Variants in CARMIL2 observed in about 807,000 individuals in gnomAD.
The protein encoded by CARMIL2 is capping protein regulator and myosin 1 linker 2.
A neutral mutation model predicts 173.3 loss-of-function variants in CARMIL2; 96 were observed. The observed-to-expected ratio is 0.55, with a 90% CI of 0.47 to 0.66. The LOEUF (loss-of-function observed/expected upper bound fraction) is 0.66, where lower values mean the gene tolerates loss of function less well. CARMIL2 is among the 30% of genes least tolerant of loss of function. The pLI, the probability that CARMIL2 is intolerant of heterozygous loss-of-function variation, is 0.00. For synonymous variants in CARMIL2, 830 were observed against 817.1 expected (o/e 1.02, Z -0.27); for missense variants, 1,771 against 1,906.7 (o/e 0.93, Z 1.33).
At chr16:67,656,364 G>C (rs1597762468) in intron 34 of CARMIL2, 60 bp from the exon 35 acceptor site, 3 of 1,608,856 alleles carry the variant, frequency 1.9e-6, no homozygotes, top group Non-Finnish European at 2.6e-6. Context: ...GGGTCAGACT[G>C]TTGTTCAGAC....
At position 67,645,540 on chromosome 16, in the gene CARMIL2, G is replaced by C; in HGVS notation, c.41G>C (p.Gly14Ala). The change falls in exon 2 of 38, where the codon GGC (glycine) becomes GCC (alanine). Residue 14 changes from glycine to alanine, a missense_variant and splice_region_variant. Physicochemically the swap from Gly to Ala is moderately conservative, Grantham distance 60. This residue lies in a region of CARMIL2 where 944 missense variants were observed against 975.6 expected (regional missense o/e 0.97). Transcript: ENST00000334583. ...CACCCAGCAGGCTGCCCTTCCACAG[G>C]CGAGATCACCAGGTTCCTGTGGCCC... ...TPDGISCELR[G>A]EITRFLWPKE... 1 of 1,598,142 alleles carries C rather than the reference G, an allele frequency of 6.3e-7. No homozygotes were observed. Among genetic ancestry groups the C allele is most frequent in the East Asian group, 2.3e-5 (1 of 44,074 alleles).
Position 67,654,917 on chromosome 16 carries a change from T to A in CARMIL2, c.3705+17T>A. ...AGGAAGCAAGTGAGTTGAGGGGACC[T>A]GAGCATGAAGTGAGAGGGCAGATGG... is the stretch of plus-strand genomic sequence containing the variant. On this transcript the variant is annotated intron_variant, in intron 32 of 37. Coordinates refer to ENST00000334583, the MANE Select transcript of CARMIL2 (RefSeq NM_001013838.3). 1 of 1,613,022 alleles carries A rather than the reference T, an allele frequency of 6.2e-7. No homozygotes were observed. Among genetic ancestry groups the A allele is most frequent in the Non-Finnish European group, 8.5e-7 (1 of 1,179,644 alleles).
chr16:67,647,020 T>C lies in CARMIL2; in HGVS notation c.611+47T>C, dbSNP rs771256752. 4 of 1,598,130 alleles carry C rather than the reference T, an allele frequency of 2.5e-6. No homozygotes were observed. The South Asian group carries it at 3.3e-5, about 13-fold the overall frequency. ...GAGAGGAGGAAGATCCCGGGGCCCA[T>C]ATCCCTGGGCCTCAGTTTCTCCATG... is the stretch of plus-strand genomic sequence containing the variant. On this transcript the variant is annotated intron_variant, in intron 8 of 37. Coordinates refer to ENST00000334583, the MANE Select transcript of CARMIL2 (RefSeq NM_001013838.3).
At chr16:67,655,955 T>C (rs1024804568) in intron 32 of CARMIL2, 76 bp from the exon 33 acceptor site, 1 of 1,526,228 alleles carries the variant, frequency 6.6e-7, no homozygotes, top group East Asian at 2.5e-5. Context: ...GGCAGGATTA[T>C]AAGAACAAGA....
chr16:67,656,693 A>G (rs769797240), intron 35 of CARMIL2, 48 bp downstream of exon 35: 1 of 1,571,436 alleles, frequency 6.4e-7, no homozygotes, highest in South Asian at 1.1e-5. Context: ...TCGGGGCTGG[A>G]GGAGTTCCTG....
chr16:67,651,405 T>TC lies in CARMIL2; in HGVS notation c.2322dup (p.Ile775HisfsTer4). The TC allele has an allele frequency of 6.3e-7, 1 of 1,590,830 alleles. No homozygotes were observed. Among genetic ancestry groups the TC allele is most frequent in the Non-Finnish European group, 8.6e-7 (1 of 1,165,904 alleles). ...CTTTTCCTCTTTGGCCCTCAGATTC[T>TC]CCCCATTCTATATGAAGCTGGAAGC... On this transcript the variant is annotated frameshift_variant, in exon 24 of 38. Coordinates refer to ENST00000334583, the MANE Select transcript of CARMIL2 (RefSeq NM_001013838.3). LOFTEE classifies it high-confidence loss of function. The surrounding 1 kb of genome is among the most constrained non-coding windows in gnomAD (Gnocchi z 4.2).
intron 35 of CARMIL2, 76 bp from the exon 36 acceptor site, chr16:67,656,725 G>T (rs1310455605): frequency 1.9e-6 from 3 of 1,563,794 alleles, no homozygotes; most frequent in Non-Finnish European, 2.6e-6. Flanking sequence ...GCTCCTCTAA[G>T]GACCCTGAGG....
In CARMIL2 at chr16:67,657,342, G is replaced by C; in HGVS notation, c.4195+26G>C. On this transcript the variant is annotated intron_variant, in intron 37 of 37. Transcript: ENST00000334583. This position sits in a 1 kb window ranked among gnomAD's most constrained non-coding sequence, Gnocchi z 4.5. The stretch of plus-strand genomic sequence containing the variant: ...GTAAGAGGGGGTCCAGGCCAGCTGG[G>C]AGGGTGGCAGGACTGCTTAGCCCAG... 6.2e-7 allele frequency: 1 copy of C among 1,612,468 alleles called. No homozygotes were observed. The highest frequency in any genetic ancestry group is 1.1e-5 in the South Asian group (1 of 90,860).
Position 67,649,535 on chromosome 16 carries a change from C to T in CARMIL2, c.1835C>T (p.Thr612Ile), listed in dbSNP as rs1359812057. Residue 612 changes from threonine to isoleucine, a missense_variant, in exon 20 of 38, where the codon ACC (threonine) becomes ATC (isoleucine). By Grantham distance (89) the Thr-to-Ile change is moderately conservative (BLOSUM62 -1). This residue lies in a region of CARMIL2 where 944 missense variants were observed against 975.6 expected (regional missense o/e 0.97). Coordinates refer to ENST00000334583, the MANE Select transcript of CARMIL2 (RefSeq NM_001013838.3). This position sits in a 1 kb window ranked among gnomAD's most constrained non-coding sequence, Gnocchi z 6.7. Reference protein sequence around the residue: ...LRALATNPNLTALDISGNAMG... With the variant: ...LRALATNPNLIALDISGNAMG... ...GCCCTAGCCACCAATCCTAACCTGA[C>T]CGCGCTGGATATCAGCGGCAACGCC... The T allele has an allele frequency of 6.2e-7, 1 of 1,606,548 alleles. No homozygotes were observed. The highest frequency in any genetic ancestry group is 8.5e-7 in the Non-Finnish European group (1 of 1,179,854).
At position 67,656,020 on chromosome 16, in the gene CARMIL2, G is replaced by T. The variant is rs1234440543; in HGVS notation, c.3706-11G>T. 1.3e-6 allele frequency: 2 copies of T among 1,587,594 alleles called. No homozygotes were observed. Among genetic ancestry groups the T allele is most frequent in the South Asian group, 2.3e-5 (2 of 87,286 alleles). On this transcript the variant is annotated splice_polypyrimidine_tract_variant and intron_variant, in intron 32 of 37. Transcript: ENST00000334583. ...GGCAGGGCTGGAATCTGATTGCCCT[G>T]TTTCCTGCAGAGCAAAGATGGCGAG...
rs933910487 is a variant in CARMIL2 at position 67,650,789 on chromosome 16, G to A, written c.2185-398G>A. The stretch of plus-strand genomic sequence containing the variant: ...ACTGGAGCCCTCATAGGCCTCCTTC[G>A]TCCTGCCTCTAGACCAACCTTCATA... On this transcript the variant is annotated intron_variant, in intron 22 of 37. Coordinates refer to ENST00000334583, the MANE Select transcript of CARMIL2 (RefSeq NM_001013838.3). The A allele has an allele frequency of 9.5e-5, 18 of 188,824 alleles. No homozygotes were observed. The South Asian group carries it at 1.3e-3, about 14-fold the overall frequency. 11.7% of individuals were successfully genotyped at this position (188,824 alleles called of 1,614,324 possible).
At position 67,652,958 on chromosome 16, in the gene CARMIL2, C is replaced by A; in HGVS notation, c.2885-61C>A. On this transcript the variant is annotated intron_variant, in intron 28 of 37. Transcript: ENST00000334583. This position sits in a 1 kb window ranked among gnomAD's most constrained non-coding sequence, Gnocchi z 4.7. The stretch of plus-strand genomic sequence containing the variant: ...CTGGGCGGGTCCCCCGCCGCCCTAG[C>A]GCCTCCGCCGCCACCTCCCCGGGCT... The A allele has an allele frequency of 2.2e-6, 2 of 903,492 alleles. No individual in the cohort carries two copies. The highest frequency in any genetic ancestry group is 4.3e-5 in the Admixed American group (1 of 23,254). 56.0% of individuals were successfully genotyped at this position (903,492 alleles called of 1,614,324 possible). A position where few individuals can be genotyped will look rare whatever the true frequency, so the allele number is the denominator to read the frequency against.
chr16:67,651,779 C>T lies in CARMIL2; in HGVS notation c.2522C>T (p.Ala841Val). Residue 841 changes from alanine (A) to valine (V), a missense_variant, in exon 25 of 38, where the codon GCA becomes GTA. Physicochemically the swap from Ala to Val is moderately conservative, Grantham distance 64. This residue lies in a region of CARMIL2 where 817 missense variants were observed against 903.5 expected (regional missense o/e 0.90). Coordinates refer to ENST00000334583, the MANE Select transcript of CARMIL2 (RefSeq NM_001013838.3). This position sits in a 1 kb window ranked among gnomAD's most constrained non-coding sequence, Gnocchi z 4.2. ...AGGGAGCAGCTAGAGGGGGTCCTGGCAGGCTCGAGGGGCCTCCCGGAGCTG... is the reference window on the plus strand; with the variant it reads ...AGGGAGCAGCTAGAGGGGGTCCTGGTAGGCTCGAGGGGCCTCCCGGAGCTG... ...SWREQLEGVL[A>V]GSRGLPELLP... 1 of 1,607,188 alleles carries T rather than the reference C, an allele frequency of 6.2e-7. No individual in the cohort carries two copies. The highest frequency in any genetic ancestry group is 8.5e-7 in the Non-Finnish European group (1 of 1,177,472).
chr16:67,648,805 G>C lies in CARMIL2; in HGVS notation c.1509+51G>C. ...CACACATTGGGAGAGGCGCTGGGAG[G>C]CGGAAGGGCAGGGCCGTGGGCCGCC... On this transcript the variant is annotated intron_variant, in intron 16 of 37. Coordinates refer to ENST00000334583, the MANE Select transcript of CARMIL2 (RefSeq NM_001013838.3). This position sits in a 1 kb window ranked among gnomAD's most constrained non-coding sequence, Gnocchi z 6.1. 1 of 1,568,836 alleles carries C rather than the reference G, an allele frequency of 6.4e-7. No homozygotes were observed. The highest frequency in any genetic ancestry group is 2.4e-5 in the East Asian group (1 of 41,956).
In CARMIL2 at chr16:67,657,086, T is replaced by A. The variant is rs1482305824; in HGVS notation, c.4118-153T>A. Reference sequence around the variant, plus strand: ...GCTCCACTTCCCGAAGAGCAGCCTCTGCCAGGGGTGAGGACGCAGGGACGG... The same window carrying A: ...GCTCCACTTCCCGAAGAGCAGCCTCAGCCAGGGGTGAGGACGCAGGGACGG... On this transcript the variant is annotated intron_variant, in intron 36 of 37. Coordinates refer to ENST00000334583, the MANE Select transcript of CARMIL2 (RefSeq NM_001013838.3). This position sits in a 1 kb window ranked among gnomAD's most constrained non-coding sequence, Gnocchi z 4.5. 1 of 804,908 alleles carries A rather than the reference T, an allele frequency of 1.2e-6. No homozygotes were observed. The highest frequency in any genetic ancestry group is 2.7e-5 in the East Asian group (1 of 37,106). 49.9% of individuals were successfully genotyped at this position (804,908 alleles called of 1,614,324 possible).
rs1428212471 is a variant in CARMIL2, at chr16:67,647,497, C to T, written c.777-11C>T. The T allele has an allele frequency of 6.3e-7, 1 of 1,593,662 alleles. No homozygotes were observed. Among genetic ancestry groups the T allele is most frequent in the Non-Finnish European group, 8.5e-7 (1 of 1,170,446 alleles). On this transcript the variant is annotated splice_polypyrimidine_tract_variant and intron_variant, in intron 10 of 37. Transcript: ENST00000334583. ...AGGGGCAGAATCTCATGCCTGGGGT[C>T]TGGTCCCCAGAGACTTTGTCCGACG...
chr16:67,654,486 C>T lies in CARMIL2; in HGVS notation c.3376C>T (p.Arg1126Ter). ...AGAGACCAGCCCTGGGGCAGCTCCC[C>T]GAACCCGAAAAACTACATTTGGCGA... ...DLETSPGAAP[R>*]TRKTTFGDLL... Residue 1126 changes from arginine to a stop codon, truncating the protein, a stop_gained, in exon 31 of 38, where the codon CGA becomes TGA. Transcript: ENST00000334583. LOFTEE classifies it high-confidence loss of function. The T allele has an allele frequency of 2.5e-6, 4 of 1,612,754 alleles. No homozygotes were observed. Among genetic ancestry groups the T allele is most frequent in the Non-Finnish European group, 3.4e-6 (4 of 1,179,650 alleles).
rs756005630 is a variant in CARMIL2, at chr16:67,656,023, T to C, written c.3706-8T>C. 1.3e-6 allele frequency: 2 copies of C among 1,589,500 alleles called. No individual in the cohort carries two copies. Among genetic ancestry groups the C allele is most frequent in the Non-Finnish European group, 1.7e-6 (2 of 1,167,966 alleles). ...AGGGCTGGAATCTGATTGCCCTGTTTCCTGCAGAGCAAAGATGGCGAGATC... is the reference window on the plus strand; with the variant it reads ...AGGGCTGGAATCTGATTGCCCTGTTCCCTGCAGAGCAAAGATGGCGAGATC... On this transcript the variant is annotated splice_region_variant and splice_polypyrimidine_tract_variant and intron_variant, in intron 32 of 37. Coordinates refer to ENST00000334583, the MANE Select transcript of CARMIL2 (RefSeq NM_001013838.3).
chr16:67,654,399 A>T lies in CARMIL2; in HGVS notation c.3289A>T (p.Lys1097Ter). Residue 1097 changes from lysine to a stop codon, truncating the protein, a stop_gained, in exon 31 of 38, where the codon AAG (lysine) becomes TAG (stop). Coordinates refer to ENST00000334583, the MANE Select transcript of CARMIL2 (RefSeq NM_001013838.3). LOFTEE classifies it high-confidence loss of function. ...ATPVPRTLRKKLGTLFAFKKP... is the reference protein window; with the variant it reads ...ATPVPRTLRK Reference sequence around the variant, plus strand: ...TCCTGTCCCCCGTACACTGCGAAAGAAGCTGGGCACCCTCTTTGCCTTCAA... The same window carrying T: ...TCCTGTCCCCCGTACACTGCGAAAGTAGCTGGGCACCCTCTTTGCCTTCAA... The T allele has an allele frequency of 6.2e-7, 1 of 1,610,080 alleles. No individual in the cohort carries two copies. The highest frequency in any genetic ancestry group is 8.5e-7 in the Non-Finnish European group (1 of 1,178,542).
Sources: gnomAD v4.1 joint callset for allele counts on GRCh38, gnomAD v4.1.1 for gene constraint, gnomAD v4.1.1 regional missense constraint, Gnocchi (gnomAD v3.1) non-coding constraint, MANE v1.5 for transcripts, NCBI Gene and HGNC (gene_info 2026-07-23, HGNC 2026-07-21) for gene names.